Variants in TENM3 observed in about 807,000 individuals in gnomAD.
TENM3 encodes the protein teneurin transmembrane protein 3, also known as teneurin-3.
In TENM3, 63 loss-of-function variants were observed where a neutral mutation model predicts 255.1. The observed-to-expected ratio is 0.25, with a 90% confidence interval of 0.20 to 0.30. TENM3 has a LOEUF of 0.30. Among genes scored for constraint, TENM3 ranks in the 10% least tolerant of loss-of-function variants. The pLI is 1.00. For synonymous variants in TENM3, 1,306 were observed against 1,322.3 expected (o/e 0.99, Z 0.27); for missense variants, 2,929 against 3,461.1 (o/e 0.85, Z 3.86).
the TENM3 span, among the ~76,000 whole-genome samples, chr4:181,697,082 C>G: frequency 6.6e-6 from 1 of 152,202 alleles, no homozygotes; most frequent in Non-Finnish European, 1.5e-5. Context: ...CCCTTGATGA[C>G]CAACAATTAT....
At chr4:182,644,188 C>T (rs1752549357) in intron 5 of TENM3, among the ~76,000 whole-genome samples, 1 of 152,138 alleles carries the variant, frequency 6.6e-6, no homozygotes, top group Admixed American at 6.5e-5. Flanking sequence ...CTGGCAATTG[C>T]TGGACTATGT....
intron 1 of TENM3, among the ~76,000 whole-genome samples, chr4:182,295,770 T>TG (rs540808311): frequency 6.6e-6 from 1 of 152,116 alleles, no homozygotes; most frequent in Non-Finnish European, 1.5e-5. Context: ...TATCTTAATG[T>TG]TTTGCTTCAT....
the TENM3 span, among the ~76,000 whole-genome samples, chr4:181,467,590 G>A: frequency 2.0e-5 from 3 of 151,950 alleles, no homozygotes; most frequent in Non-Finnish European, 4.4e-5. Flanking sequence ...AAATATTCAA[G>A]TTGCAAAGTA....
At chr4:182,169,150 A>T in intron 1 of TENM3, 1 of 417,198 alleles carries the variant, frequency 2.4e-6, no homozygotes, top group Non-Finnish European at 4.8e-6. Context: ...ACATTTGACC[A>T]CTATTAATCT....
the TENM3 span, among the ~76,000 whole-genome samples, chr4:181,602,279 A>G: frequency 6.6e-6 from 1 of 152,236 alleles, no homozygotes; most frequent in African/African-American, 2.4e-5. Flanking sequence ...CCATTGATTT[A>G]CATCCATTAC....
chr4:182,040,282 G>A, the TENM3 span, among the ~76,000 whole-genome samples: 1 of 139,086 alleles, frequency 7.2e-6, no homozygotes, highest in Non-Finnish European at 1.6e-5. Context: ...GGCAGGGGAG[G>A]AGAGGGGAGA....
the TENM3 span, among the ~76,000 whole-genome samples, chr4:181,554,940 G>C: frequency 6.6e-6 from 1 of 152,124 alleles, no homozygotes; most frequent in African/African-American, 2.4e-5. Flanking sequence ...TTAATACTTT[G>C]AATGCGTCTC....
the TENM3 span, among the ~76,000 whole-genome samples, chr4:181,904,661 C>T: frequency 6.6e-6 from 1 of 152,198 alleles, no homozygotes; most frequent in African/African-American, 2.4e-5. Flanking sequence ...TCTGTCCTCG[C>T]TGCCAGCCAT....
At chr4:181,775,717 C>T in the TENM3 span, among the ~76,000 whole-genome samples, 1 of 152,022 alleles carries the variant, frequency 6.6e-6, no homozygotes, top group South Asian at 2.1e-4. Context: ...CAAAATTCAC[C>T]CTCATCATTT....
At chr4:182,489,247 A>ACC (rs1735045519) in intron 3 of TENM3, among the ~76,000 whole-genome samples, 3 of 140,794 alleles carry the variant, frequency 2.1e-5, no homozygotes, top group Admixed American at 7.4e-5. Context: ...AATGTGCTCT[A>ACC]ATAAAGGGAA....
intron 3 of TENM3, among the ~76,000 whole-genome samples, chr4:182,403,885 A>C (rs2151042620): frequency 6.6e-6 from 1 of 152,170 alleles, no homozygotes; most frequent in African/African-American, 2.4e-5. Flanking sequence ...CACCCAGCTA[A>C]TTTTTAAAAA....
chr4:182,065,602 TCCCA>T, the TENM3 span, among the ~76,000 whole-genome samples: 1 of 152,028 alleles, frequency 6.6e-6, no homozygotes, highest in African/African-American at 2.4e-5. Flanking sequence ...TCCAATCACC[TCCCA>T]CCCGGCCCCT....
At chr4:181,657,126 A>G in the TENM3 span, among the ~76,000 whole-genome samples, 1 of 152,204 alleles carries the variant, frequency 6.6e-6, no homozygotes, top group Non-Finnish European at 1.5e-5. Context: ...CTGTATGTGG[A>G]CAGAATGAGA....
intron 22 of TENM3, among the ~76,000 whole-genome samples, chr4:182,768,389 A>G (rs746512798): frequency 1.5e-4 from 23 of 152,204 alleles, no homozygotes; most frequent in Non-Finnish European, 3.2e-4. Flanking sequence ...TTGGGTTGGT[A>G]ACAGTCTAAA....
At chr4:182,167,616 T>C (rs1266947585) in intron 1 of TENM3, among the ~76,000 whole-genome samples, 1 of 152,214 alleles carries the variant, frequency 6.6e-6, no homozygotes, top group East Asian at 1.9e-4. Flanking sequence ...CTCACACCTA[T>C]AATCTCAGCA....
chr4:181,926,185 G>A, the TENM3 span, among the ~76,000 whole-genome samples: 21,679 of 152,068 alleles, frequency 0.14, 1,619 homozygotes, highest in East Asian at 0.2. Context: ...CAATCCTTGC[G>A]GTTAGGCATT....
intron 5 of TENM3, among the ~76,000 whole-genome samples, chr4:182,639,669 T>C (rs1712601828): frequency 6.6e-6 from 1 of 152,180 alleles, no homozygotes; most frequent in African/African-American, 2.4e-5. Context: ...TAAATAACAA[T>C]GAAAGACAAA....
chr4:182,351,617 A>G (rs1200413274), intron 3 of TENM3, among the ~76,000 whole-genome samples: 1 of 152,114 alleles, frequency 6.6e-6, no homozygotes, highest in African/African-American at 2.4e-5. Flanking sequence ...TTGGAGAAAG[A>G]TGACCTTTGA....
At chr4:182,314,387 G>A (rs758579115) in intron 1 of TENM3, among the ~76,000 whole-genome samples, 3 of 152,060 alleles carry the variant, frequency 2.0e-5, no homozygotes, top group Non-Finnish European at 2.9e-5. Context: ...CATGACAGCT[G>A]GTAGCATTTA....
Sources: allele counts gnomAD v4.1 joint callset (sites outside exome capture counted in the v4.1 genomes callset), GRCh38; gene constraint gnomAD v4.1.1; transcripts MANE v1.5; gene names NCBI Gene and HGNC (gene_info 2026-07-23, HGNC 2026-07-21).